RAB31: variants seen among roughly 807,000 people sequenced by gnomAD.
RAB31 encodes the protein RAB31, member RAS oncogene family.
In RAB31, 21 loss-of-function variants were observed where a neutral mutation model predicts 25.6. The ratio of observed to expected loss-of-function variants is 0.82; its 90% CI spans 0.58 to 1.18. The LOEUF is 1.18. Ranked by LOEUF, RAB31 falls within the 50% of genes most tolerant of loss-of-function variation. The probability of loss-of-function intolerance (pLI) is 0.00; values close to 1 mark genes in which losing one functional copy is unlikely to be tolerated. For missense variants in RAB31, 196 were observed against 250.1 expected, an observed-to-expected ratio of 0.78 and a Z score of 1.46; for synonymous variants, 87 against 84.0, an observed-to-expected ratio of 1.04 and a Z score of -0.20.
chr18:9,744,738 A>C (rs1227957364), intron 1 of RAB31, among the ~76,000 whole-genome samples: 1 of 152,160 alleles, frequency 6.6e-6, no homozygotes, highest in Non-Finnish European at 1.5e-5. Context: ...CCAATAGTCA[A>C]AGAAGAAATT....
chr18:9,713,646 G>A (rs1328256570), intron 1 of RAB31, among the ~76,000 whole-genome samples: 1 of 152,108 alleles, frequency 6.6e-6, no homozygotes, highest in Non-Finnish European at 1.5e-5. Flanking sequence ...CATTTGAGGA[G>A]CATTTTCAAG....
At chr18:9,798,174 C>T (rs1198237205) in intron 3 of RAB31, among the ~76,000 whole-genome samples, 1 of 152,196 alleles carries the variant, frequency 6.6e-6, no homozygotes, top group African/African-American at 2.4e-5. Context: ...ATAACGATTT[C>T]AAAGTGAACA....
chr18:9,784,453 T>C (rs2068421700), intron 2 of RAB31, among the ~76,000 whole-genome samples: 1 of 152,146 alleles, frequency 6.6e-6, no homozygotes, highest in African/African-American at 2.4e-5. Flanking sequence ...AACCAAAATG[T>C]CCATCGTTAG....
chr18:9,766,381 C>T lies in RAB31; in HGVS notation c.40-8897C>T, dbSNP rs907763935. 2.6e-5 allele frequency among the ~76,000 whole-genome samples: 4 copies of T among 151,504 alleles called. No homozygotes were observed. Among genetic ancestry groups the T allele is most frequent in the African/African-American group, 7.3e-5 (3 of 41,348 alleles). The stretch of plus-strand genomic sequence containing the variant: ...CACTGCCCTCATTACTATGCACTGC[C>T]TTCGCTTGCAGGCATCTCCACACAA... On this transcript the variant is annotated intron_variant, in intron 1 of 6. Transcript: ENST00000578921. This position sits in a 1 kb window ranked among gnomAD's most constrained non-coding sequence, Gnocchi z 4.3.
intron 5 of RAB31, among the ~76,000 whole-genome samples, chr18:9,827,521 G>A (rs2068655839): frequency 6.6e-6 from 1 of 152,000 alleles, no homozygotes; most frequent in Non-Finnish European, 1.5e-5. Context: ...GATGCTCAGG[G>A]GCTGTTCTCA....
intron 5 of RAB31, among the ~76,000 whole-genome samples, chr18:9,828,363 C>T (rs1004922156): frequency 2.6e-5 from 4 of 152,162 alleles, no homozygotes; most frequent in South Asian, 4.1e-4. Flanking sequence ...TGCAATGCCT[C>T]GGGTAGTCAC....
chr18:9,736,429 A>G (rs8088290), intron 1 of RAB31, among the ~76,000 whole-genome samples: 143,541 of 152,248 alleles, frequency 0.94, 67,770 homozygotes, highest in African/African-American at 0.98. Flanking sequence ...TGCTCAGGGT[A>G]CTGGATGCTG....
chr18:9,738,552 C>T (rs1226451545), intron 1 of RAB31, among the ~76,000 whole-genome samples: 1 of 152,202 alleles, frequency 6.6e-6, no homozygotes, highest in Non-Finnish European at 1.5e-5. Context: ...GTGGAGGCTC[C>T]TGGAGGGCGG....
At chr18:9,786,157 GGAAAGAAAAGAAAAGGAAA>G (rs1309393578) in intron 2 of RAB31, among the ~76,000 whole-genome samples, 3 of 130,592 alleles carry the variant, frequency 2.3e-5, no homozygotes, top group Admixed American at 1.8e-4. Context: ...AAAGAAAGAA[GGAAAGAAAAGAAAAGGAAA>G]GAAAGAAAAG....
chr18:9,833,073 A>G (rs964894180), intron 5 of RAB31, among the ~76,000 whole-genome samples: 4 of 152,210 alleles, frequency 2.6e-5, no homozygotes, highest in African/African-American at 9.7e-5. Context: ...CCGCCGTGTC[A>G]GACTTGCAAC....
intron 3 of RAB31, among the ~76,000 whole-genome samples, chr18:9,793,167 G>A (rs1822105860): frequency 6.6e-6 from 1 of 152,008 alleles, no homozygotes; most frequent in Admixed American, 6.6e-5. Context: ...TTGACCTCCT[G>A]GGCTCAAGAG....
At chr18:9,728,261 G>A (rs1481167800) in intron 1 of RAB31, among the ~76,000 whole-genome samples, 1 of 152,110 alleles carries the variant, frequency 6.6e-6, no homozygotes, top group East Asian at 1.9e-4. Flanking sequence ...TACTTAACTG[G>A]TGCCCTAATG....
chr18:9,755,027 G>A (rs1333567271), intron 1 of RAB31, among the ~76,000 whole-genome samples: 2 of 152,158 alleles, frequency 1.3e-5, no homozygotes, highest in Non-Finnish European at 2.9e-5. Context: ...GCACAGACCA[G>A]GTTTTCCCAA....
At position 9,792,169 on chromosome 18, in the gene RAB31, C is replaced by T; in HGVS notation, c.135C>T (p.Thr45=). 6.2e-7 allele frequency: 1 copy of T among 1,611,172 alleles called. No homozygotes were observed. The highest frequency in any genetic ancestry group is 1.1e-5 in the South Asian group (1 of 90,288). Residue 45 remains threonine (T), a synonymous_variant, in exon 3 of 7, where the codon ACC becomes ACT. Coordinates refer to ENST00000578921, the MANE Select transcript of RAB31 (RefSeq NM_006868.4). ...CTTTTTTCAGGGCATCTTTTATGACCAAAACTGTGCCTTGTGGAAATGAAC... is the reference window on the plus strand; with the variant it reads ...CTTTTTTCAGGGCATCTTTTATGACTAAAACTGTGCCTTGTGGAAATGAAC... The part of the protein sequence containing the change: ...ISPTIGASFM[T]KTVPCGNELH...
At chr18:9,771,244 G>A (rs190191540) in intron 1 of RAB31, among the ~76,000 whole-genome samples, 4 of 152,272 alleles carry the variant, frequency 2.6e-5, no homozygotes, top group African/African-American at 9.6e-5. Flanking sequence ...AAGAGGTTTT[G>A]ACTAGGACTC....
rs576748740 is a variant in RAB31, at chr18:9,711,035, G to A, written c.39+2591G>A. 4.0e-5 allele frequency among the ~76,000 whole-genome samples: 6 copies of A among 151,846 alleles called. No individual in the cohort carries two copies. The East Asian group carries it at 5.8e-4, about 15-fold the overall frequency. ...TGAGTAAGATTTGCCACATCCCCTC[G>A]TTTGGCTGGCTCTTTCCTGGGTGAG... On this transcript the variant is annotated intron_variant, in intron 1 of 6. Transcript: ENST00000578921.
chr18:9,818,725 G>C (rs1262934366), intron 5 of RAB31, among the ~76,000 whole-genome samples: 1 of 152,160 alleles, frequency 6.6e-6, no homozygotes, highest in Non-Finnish European at 1.5e-5. Flanking sequence ...TGTGTCACAT[G>C]ATAACTCTTT....
At chr18:9,713,917 A>G (rs2068030901) in intron 1 of RAB31, among the ~76,000 whole-genome samples, 2 of 152,140 alleles carry the variant, frequency 1.3e-5, no homozygotes, top group East Asian at 1.9e-4. Flanking sequence ...CGCCAACCCC[A>G]TTCATGAAGG....
intron 5 of RAB31, among the ~76,000 whole-genome samples, chr18:9,829,317 A>G (rs1360658753): frequency 6.6e-6 from 1 of 152,130 alleles, no homozygotes; most frequent in Non-Finnish European, 1.5e-5. Flanking sequence ...GCGGAATGAG[A>G]CTGTATGTGT....
Sources: allele counts gnomAD v4.1 joint callset (sites outside exome capture counted in the v4.1 genomes callset), GRCh38; gene constraint gnomAD v4.1.1; non-coding constraint Gnocchi (gnomAD v3.1); transcripts MANE v1.5; gene names NCBI Gene and HGNC (gene_info 2026-07-23, HGNC 2026-07-21).